VPS13D: variants seen among roughly 807,000 people sequenced by gnomAD.
The protein encoded by VPS13D is vacuolar protein sorting 13 homolog D.
In VPS13D, 187 loss-of-function variants were observed where a neutral mutation model predicts 461.9. The observed-to-expected ratio is 0.40, with a 90% confidence interval of 0.36 to 0.46. The LOEUF (loss-of-function observed/expected upper bound fraction) is 0.46. VPS13D is among the 20% of genes least tolerant of loss of function. VPS13D has a pLI of 0.60. For missense variants in VPS13D, 4,711 were observed against 5,364.9 expected, an observed-to-expected ratio of 0.88 and a Z score of 3.81; for synonymous variants, 1,951 against 1,986.3, an observed-to-expected ratio of 0.98 and a Z score of 0.47.
At position 12,276,893 on chromosome 1, in the gene VPS13D, TG is replaced by T; in HGVS notation, c.3306del (p.Ile1103PhefsTer5). The T allele has an allele frequency of 1.2e-6, 2 of 1,614,196 alleles. No individual in the cohort carries two copies. Among genetic ancestry groups the T allele is most frequent in the Non-Finnish European group, 1.7e-6 (2 of 1,180,026 alleles). ...ATGAATTTAGACAGTACTCTTCAGG[TG>T]ATTTCCCTACAGGTGAATAATTTAG... The part of the protein sequence containing the change: ...PSMNLDSTLQ[V>X]ISLQVNNLDI... On this transcript the variant is annotated frameshift_variant, in exon 19 of 70. Transcript: ENST00000620676. LOFTEE classifies it high-confidence loss of function. The surrounding 1 kb of genome is among the most constrained non-coding windows in gnomAD (Gnocchi z 4.5).
At position 12,378,553 on chromosome 1, in the gene VPS13D, C is replaced by T. The variant is rs1218020194; in HGVS notation, c.11043C>T (p.Ile3681=). ...CCCGCTCCACCGAGGGGTCTGCCAT[C>T]TTAGATATTGCTGGTCTCGCTGCAG... ...SAARSTEGSA[I]LDIAGLAAVT... is the part of the protein sequence containing the mutation. The change falls in exon 56 of 70, where the codon ATC becomes ATT. Residue 3681 remains isoleucine, a synonymous_variant. Transcript: ENST00000620676. The T allele has an allele frequency of 1.2e-6, 2 of 1,607,208 alleles. No homozygotes were observed. Among genetic ancestry groups the T allele is most frequent in the Admixed American group, 1.7e-5 (1 of 58,948 alleles).
chr1:12,400,067 C>G, intron 60 of VPS13D, 114 bp from the exon 61 acceptor site: 1 of 1,177,038 alleles, frequency 8.5e-7, no homozygotes, highest in Non-Finnish European at 1.2e-6. Context: ...AGTGAAATGA[C>G]AAGGGTACTT....
intron 60 of VPS13D, among the ~76,000 whole-genome samples, chr1:12,390,707 C>T (rs758948260): frequency 2.0e-5 from 3 of 152,188 alleles, no homozygotes; most frequent in African/African-American, 4.8e-5. Context: ...GGTGCCATAT[C>T]GAGGGCTCAG....
At chr1:12,465,106 T>C (rs1181728769) in intron 67 of VPS13D, 2 of 152,240 alleles carry the variant, frequency 1.3e-5, no homozygotes, top group African/African-American at 4.8e-5. Flanking sequence ...TAGTAGAAAG[T>C]TGCAGAGACC....
chr1:12,294,770 C>T (rs1189069949), intron 24 of VPS13D, among the ~76,000 whole-genome samples: 1 of 152,080 alleles, frequency 6.6e-6, no homozygotes, highest in East Asian at 1.9e-4. Context: ...CGAGGTGGCG[C>T]CACTGCACTC....
intron 17 of VPS13D, among the ~76,000 whole-genome samples, chr1:12,272,352 G>A (rs930944882): frequency 6.6e-6 from 1 of 152,026 alleles, no homozygotes; most frequent in Admixed American, 6.6e-5. Context: ...AAAATGTGGT[G>A]TGTAGTATGG....
In VPS13D at chr1:12,502,562, C is replaced by T. The variant is rs1646049594; in HGVS notation, c.12795-4291C>T. On this transcript the variant is annotated intron_variant, in intron 68 of 69. Transcript: ENST00000620676. The surrounding 1 kb of genome is among the most constrained non-coding windows in gnomAD (Gnocchi z 4.3). ...ACGCCTAGGGGTAGAGGAGCCTGTTCCAGGAGCTCTGAGTCAGGCTTCTGA... is the reference window on the plus strand; with the variant it reads ...ACGCCTAGGGGTAGAGGAGCCTGTTTCAGGAGCTCTGAGTCAGGCTTCTGA... 6.6e-6 allele frequency among the ~76,000 whole-genome samples: 1 copy of T among 151,642 alleles called. No individual in the cohort carries two copies. Among genetic ancestry groups the T allele is most frequent in the African/African-American group, 2.4e-5 (1 of 41,230 alleles).
chr1:12,278,423 C>T (rs374288868), intron 19 of VPS13D, among the ~76,000 whole-genome samples: 3 of 152,092 alleles, frequency 2.0e-5, no homozygotes, highest in South Asian at 2.1e-4. Context: ...TACAGGCACC[C>T]GCTACCACGC....
chr1:12,313,344 G>C (rs1451243013), intron 29 of VPS13D, among the ~76,000 whole-genome samples: 5 of 101,822 alleles, frequency 4.9e-5, no homozygotes, highest in Non-Finnish European at 9.0e-5. Context: ...ATCTCTCTCT[G>C]TTGCCCAGGC....
intron 47 of VPS13D, 58 bp from the exon 48 acceptor site, chr1:12,355,841 T>G: frequency 2.8e-6 from 4 of 1,435,128 alleles, no homozygotes; most frequent in Non-Finnish European, 3.7e-6. Flanking sequence ...ACTTTTGCTG[T>G]GAGCTATTTT....
intron 46 of VPS13D, among the ~76,000 whole-genome samples, chr1:12,353,695 C>G (rs1373249421): frequency 6.6e-6 from 1 of 152,010 alleles, no homozygotes; most frequent in Non-Finnish European, 1.5e-5. Flanking sequence ...TGGAAAAGGA[C>G]ATGAGGGAAC....
chr1:12,329,906 C>T lies in VPS13D; in HGVS notation c.8275C>T (p.Arg2759Cys), dbSNP rs768679106. ...CACCCTTTCTGGAGATTATTATAAC[C>T]GTGCTCTTTCAGGTCAGTATAAAGC... is the stretch of plus-strand genomic sequence containing the variant. ...HFTLSGDYYN[R>C]ALSGWEPFIE... Residue 2759 changes from arginine (R) to cysteine (C), a missense_variant, in exon 37 of 70, where the codon CGT (arginine) becomes TGT (cysteine). Physicochemically the swap from Arg to Cys is radical, Grantham distance 180. Transcript: ENST00000620676. 153 of 1,611,924 alleles carry T rather than the reference C, an allele frequency of 9.5e-5. 1 individual carries two copies. The highest frequency in any genetic ancestry group is 2.2e-4 in the South Asian group (20 of 91,054).
intron 22 of VPS13D, 52 bp downstream of exon 22, chr1:12,288,365 T>C (rs756115509): frequency 7.5e-6 from 11 of 1,474,048 alleles, no homozygotes; most frequent in Non-Finnish European, 1.0e-5. Context: ...GGTCAGCATT[T>C]GAACATTGTG....
rs1644501907 is a variant in VPS13D, at chr1:12,396,560, A to G, written c.11635-3621A>G. Among the ~76,000 whole-genome samples, 3 of 151,688 alleles carry G rather than the reference A, an allele frequency of 2.0e-5. 1 individual carries two copies. The highest frequency in any genetic ancestry group is 3.0e-5 in the Non-Finnish European group (2 of 67,562). On this transcript the variant is annotated intron_variant, in intron 60 of 69. Coordinates refer to ENST00000620676, the MANE Select transcript of VPS13D (RefSeq NM_015378.4). The stretch of plus-strand genomic sequence containing the variant: ...ACTAGTTCCTGGTAGACATTTCCAG[A>G]AGAAGAATCCAAAGCCCCAGACTGT...
intron 67 of VPS13D, among the ~76,000 whole-genome samples, chr1:12,487,380 G>A (rs1645811466): frequency 6.6e-6 from 1 of 152,150 alleles, no homozygotes; most frequent in South Asian, 2.1e-4. Flanking sequence ...GGAGGCCGAG[G>A]TGGGCGGATC....
At chr1:12,336,950 C>T (rs1285362276) in intron 39 of VPS13D, 1 of 152,212 alleles carries the variant, frequency 6.6e-6, no homozygotes, top group East Asian at 1.9e-4. Flanking sequence ...GGGGCATCTT[C>T]AATTCAGAGT....
chr1:12,242,411 C>T, intron 2 of VPS13D, 102 bp from the exon 3 acceptor site: 1 of 1,010,790 alleles, frequency 9.9e-7, no homozygotes, highest in Non-Finnish European at 1.5e-6. Flanking sequence ...GTAGCCTATT[C>T]TATATGTAAA....
intron 6 of VPS13D, among the ~76,000 whole-genome samples, chr1:12,252,347 C>G (rs1640760480): frequency 4.6e-5 from 7 of 152,168 alleles, no homozygotes; most frequent in Admixed American, 4.6e-4. Flanking sequence ...CTGCCCCCAC[C>G]GCACACATCC....
Position 12,308,540 on chromosome 1 carries a change from T to C in VPS13D, c.6549T>C (p.Ser2183=), listed in dbSNP as rs1015020788. ...REYSKAPEDS[S]GDLIFPSYFV... ...ACTCGAAGGCACCAGAGGATAGTAGTGGAGATCTGATCTTCCCTTCCTATT... is the reference window on the plus strand; with the variant it reads ...ACTCGAAGGCACCAGAGGATAGTAGCGGAGATCTGATCTTCCCTTCCTATT... The change falls in exon 27 of 70, where the codon AGT becomes AGC. Residue 2183 remains serine (S), a synonymous_variant. Coordinates refer to ENST00000620676, the MANE Select transcript of VPS13D (RefSeq NM_015378.4). The C allele has an allele frequency of 6.2e-7, 1 of 1,614,076 alleles. No individual in the cohort carries two copies. Among genetic ancestry groups the C allele is most frequent in the Non-Finnish European group, 8.5e-7 (1 of 1,180,004 alleles).
Sources: gnomAD v4.1 joint callset for allele counts (sites outside exome capture counted in the v4.1 genomes callset) on GRCh38, gnomAD v4.1.1 for gene constraint, Gnocchi (gnomAD v3.1) non-coding constraint, MANE v1.5 for transcripts, NCBI Gene and HGNC (gene_info 2026-07-23, HGNC 2026-07-21) for gene names.